NDUFAF2: variants seen among roughly 807,000 people sequenced by gnomAD.
NDUFAF2 encodes NADH:ubiquinone oxidoreductase complex assembly factor 2.
NDUFAF2 carries 13 observed loss-of-function variants against 22.8 expected under a neutral mutation model. The observed-to-expected ratio is 0.57, with a 90% CI of 0.37 to 0.91. The LOEUF (loss-of-function observed/expected upper bound fraction) is 0.91. Ranked by LOEUF, NDUFAF2 falls within the 40% of genes least tolerant of loss-of-function variation. The pLI is 0.01. For missense variants in NDUFAF2, 162 were observed against 195.2 expected (o/e 0.83, Z 1.01); for synonymous variants, 53 against 64.2 (o/e 0.83, Z 0.84).
chr5:60,990,636 T>C (rs1751145987), intron 1 of NDUFAF2, among the ~76,000 whole-genome samples: 1 of 152,152 alleles, frequency 6.6e-6, no homozygotes, highest in Non-Finnish European at 1.5e-5. Context: ...AGGATTGACT[T>C]TGTACTTGTA....
At chr5:61,016,013 C>G (rs1397218583) in intron 1 of NDUFAF2, among the ~76,000 whole-genome samples, 1 of 151,988 alleles carries the variant, frequency 6.6e-6, no homozygotes, top group African/African-American at 2.4e-5. Flanking sequence ...TGGTGAAACC[C>G]TGTCTCTACA....
chr5:60,977,848 AAAAAG>A (rs1463654639), intron 1 of NDUFAF2, among the ~76,000 whole-genome samples: 1 of 151,580 alleles, frequency 6.6e-6, no homozygotes, highest in Non-Finnish European at 1.5e-5. Flanking sequence ...AAAAAAAAAA[AAAAAG>A]AAAAGAAGCC....
intron 1 of NDUFAF2, among the ~76,000 whole-genome samples, chr5:60,967,986 TGA>T (rs947721041): frequency 2.0e-5 from 3 of 151,666 alleles, no homozygotes; most frequent in African/African-American, 7.3e-5. Context: ...TTTTCTTTAA[TGA>T]GAGACTTTAT....
intron 1 of NDUFAF2, among the ~76,000 whole-genome samples, chr5:61,022,516 T>C (rs980326298): frequency 6.6e-6 from 1 of 152,222 alleles, no homozygotes; most frequent in African/African-American, 2.4e-5. Flanking sequence ...TTCCTAGCAT[T>C]TGTTATTGCG....
At chr5:61,145,999 C>G (rs192537779) in intron 3 of NDUFAF2, 2 of 152,168 alleles carry the variant, frequency 1.3e-5, no homozygotes, top group Non-Finnish European at 2.9e-5. Flanking sequence ...CTCTATATCC[C>G]TAGTCAGGGG....
chr5:61,054,737 A>G (rs1430368286), intron 1 of NDUFAF2, among the ~76,000 whole-genome samples: 1 of 152,246 alleles, frequency 6.6e-6, no homozygotes, highest in Non-Finnish European at 1.5e-5. Context: ...GGCCTTACTC[A>G]TAAAGATCAG....
chr5:61,121,836 T>A (rs1264656164), intron 3 of NDUFAF2, among the ~76,000 whole-genome samples: 10 of 138,876 alleles, frequency 7.2e-5, no homozygotes, highest in Admixed American at 1.5e-4. Flanking sequence ...TTTTCTTTTT[T>A]TTTTCTTTTT....
intron 1 of NDUFAF2, among the ~76,000 whole-genome samples, chr5:61,038,126 GAA>G (rs1751824172): frequency 6.6e-6 from 1 of 151,080 alleles, no homozygotes; most frequent in South Asian, 2.1e-4. Flanking sequence ...GGGAGAGAGA[GAA>G]AGTCAGCAAT....
chr5:61,009,156 A>G (rs1561540923), intron 1 of NDUFAF2, among the ~76,000 whole-genome samples: 1 of 152,126 alleles, frequency 6.6e-6, no homozygotes, highest in Non-Finnish European at 1.5e-5. Flanking sequence ...TACATTTTGT[A>G]AAAACTCTTT....
chr5:61,023,536 T>C (rs1751612731), intron 1 of NDUFAF2, among the ~76,000 whole-genome samples: 2 of 152,170 alleles, frequency 1.3e-5, no homozygotes, highest in Admixed American at 1.3e-4. Flanking sequence ...AGTATGTGAG[T>C]ATCTTTGTGG....
At chr5:60,969,028 G>T (rs1750794510) in intron 1 of NDUFAF2, among the ~76,000 whole-genome samples, 1 of 151,984 alleles carries the variant, frequency 6.6e-6, no homozygotes, top group Non-Finnish European at 1.5e-5. Flanking sequence ...TCATATTGTT[G>T]CAAATGACAG....
At chr5:61,103,463 A>G (rs775027369) in intron 3 of NDUFAF2, among the ~76,000 whole-genome samples, 3 of 150,720 alleles carry the variant, frequency 2.0e-5, no homozygotes, top group Non-Finnish European at 4.4e-5. Context: ...ACTGCTGTGT[A>G]CTCCTGTATA....
chr5:61,107,204 A>T (rs948038020), intron 3 of NDUFAF2, among the ~76,000 whole-genome samples: 1 of 151,286 alleles, frequency 6.6e-6, no homozygotes, highest in Non-Finnish European at 1.5e-5. Flanking sequence ...TCCCACCAAC[A>T]GTGTACAAGG....
chr5:61,141,618 T>C (rs1196778011), intron 3 of NDUFAF2, among the ~76,000 whole-genome samples: 1 of 152,180 alleles, frequency 6.6e-6, no homozygotes, highest in Non-Finnish European at 1.5e-5. Flanking sequence ...TAGGTTTTAA[T>C]CTCTGTATCC....
At chr5:61,111,994 AGATGTGCCCACCTTGGCC>A (rs1752848270) in intron 3 of NDUFAF2, among the ~76,000 whole-genome samples, 3 of 151,922 alleles carry the variant, frequency 2.0e-5, no homozygotes, top group Admixed American at 6.6e-5. Context: ...CTTGAGTTCA[AGATGTGCCCACCTTGGCC>A]TCCCAAAGAC....
At chr5:61,143,849 A>G (rs2111828581) in intron 3 of NDUFAF2, among the ~76,000 whole-genome samples, 1 of 152,250 alleles carries the variant, frequency 6.6e-6, no homozygotes, top group Middle Eastern at 3.4e-3. Context: ...ACATAGTTAT[A>G]TATGATATAC....
intron 3 of NDUFAF2, among the ~76,000 whole-genome samples, chr5:61,129,644 G>T (rs1753083474): frequency 2.0e-5 from 3 of 149,612 alleles, no homozygotes; most frequent in Non-Finnish European, 4.5e-5. Flanking sequence ...GCCTGTTGTG[G>T]GGTAGGGGGA....
chr5:60,964,120 G>A (rs1750724471), intron 1 of NDUFAF2, among the ~76,000 whole-genome samples: 1 of 152,000 alleles, frequency 6.6e-6, no homozygotes. Flanking sequence ...CATTTAAGAG[G>A]CTTTTTTGAT....
intron 2 of NDUFAF2, among the ~76,000 whole-genome samples, chr5:61,077,851 G>A (rs1752388414): frequency 6.6e-6 from 1 of 152,176 alleles, no homozygotes; most frequent in African/African-American, 2.4e-5. Context: ...ATGAGAAATT[G>A]TGTAAATTCT....
Sources: gnomAD v4.1 joint callset for allele counts (sites outside exome capture counted in the v4.1 genomes callset) on GRCh38, gnomAD v4.1.1 for gene constraint, MANE v1.5 for transcripts, NCBI Gene and HGNC (gene_info 2026-07-23, HGNC 2026-07-21) for gene names.